CCBE1: variants seen among roughly 807,000 people sequenced by gnomAD.
CCBE1 encodes collagen and calcium binding EGF domains 1, also known as collagen and calcium-binding EGF domain-containing protein 1.
A neutral mutation model predicts 50.0 loss-of-function variants in CCBE1; 37 were observed. The ratio of observed to expected loss-of-function variants is 0.74; its 90% CI spans 0.57 to 0.97. The LOEUF (loss-of-function observed/expected upper bound fraction) is 0.97. Ranked by LOEUF, CCBE1 falls within the 50% of genes least tolerant of loss-of-function variation. The probability of loss-of-function intolerance (pLI) is 0.00; values close to 1 mark genes in which losing one functional copy is unlikely to be tolerated. For synonymous variants in CCBE1, 234 were observed against 203.7 expected (o/e 1.15, Z -1.27); for missense variants, 538 against 523.8 (o/e 1.03, Z -0.26).
At chr18:59,649,368 C>T (rs1272729759) in intron 2 of CCBE1, among the ~76,000 whole-genome samples, 5 of 152,196 alleles carry the variant, frequency 3.3e-5, no homozygotes, top group Admixed American at 2.6e-4. Context: ...ACAGTTGATG[C>T]GGTGCAAGAC....
intron 2 of CCBE1, among the ~76,000 whole-genome samples, chr18:59,666,631 G>A (rs1035342183): frequency 2.6e-5 from 4 of 151,890 alleles, no homozygotes; most frequent in African/African-American, 9.7e-5. Context: ...GGGGGGTGGG[G>A]GCAGGGAACA....
chr18:59,658,378 T>C (rs1335689041), intron 2 of CCBE1, among the ~76,000 whole-genome samples: 1 of 14,328 alleles, frequency 7.0e-5, no homozygotes, highest in Non-Finnish European at 1.0e-4. Context: ...TATATATATA[T>C]ATATATATAT....
chr18:59,597,541 G>A (rs188354237), intron 2 of CCBE1, among the ~76,000 whole-genome samples: 1 of 148,692 alleles, frequency 6.7e-6, no homozygotes, highest in East Asian at 2.0e-4. Context: ...AGGGTGGGAG[G>A]AGAAAATTAA....
At chr18:59,492,755 A>G (rs1209443143) in intron 2 of CCBE1, among the ~76,000 whole-genome samples, 1 of 152,228 alleles carries the variant, frequency 6.6e-6, no homozygotes, top group Non-Finnish European at 1.5e-5. Context: ...AGCCAAAATG[A>G]CAGAAGGAAA....
At chr18:59,551,987 C>T (rs567961571) in intron 2 of CCBE1, among the ~76,000 whole-genome samples, 42 of 152,340 alleles carry the variant, frequency 2.8e-4, no homozygotes, top group African/African-American at 7.2e-4. Flanking sequence ...AGCTGGGCAA[C>T]GCACGCCTTG....
intron 2 of CCBE1, among the ~76,000 whole-genome samples, chr18:59,653,711 C>T (rs775245481): frequency 1.3e-5 from 2 of 152,184 alleles, no homozygotes; most frequent in African/African-American, 2.4e-5. Flanking sequence ...AATTAAAAAT[C>T]CCACGCTGAC....
chr18:59,627,564 G>A (rs79490699), intron 2 of CCBE1, among the ~76,000 whole-genome samples: 2,496 of 152,266 alleles, frequency 0.016, 29 homozygotes, highest in Non-Finnish European at 0.024. Context: ...CACTGGCTTA[G>A]AGCGGGACCT....
intron 2 of CCBE1, among the ~76,000 whole-genome samples, chr18:59,689,687 C>T (rs2054703718): frequency 6.6e-6 from 1 of 152,232 alleles, no homozygotes; most frequent in East Asian, 1.9e-4. Flanking sequence ...TGTCGGAAAA[C>T]ATGATGCTGG....
chr18:59,601,512 T>C (rs938865687), intron 2 of CCBE1, among the ~76,000 whole-genome samples: 3 of 152,176 alleles, frequency 2.0e-5, no homozygotes, highest in African/African-American at 7.2e-5. Flanking sequence ...TGTGAGTCCA[T>C]TAAACCTCTT....
At chr18:59,527,502 G>T (rs532081402) in intron 2 of CCBE1, among the ~76,000 whole-genome samples, 1 of 152,198 alleles carries the variant, frequency 6.6e-6, no homozygotes, top group African/African-American at 2.4e-5. Flanking sequence ...TACATTTAGG[G>T]TTAATATTAT....
At chr18:59,539,168 T>C (rs1003207058) in intron 2 of CCBE1, among the ~76,000 whole-genome samples, 1 of 150,326 alleles carries the variant, frequency 6.7e-6, no homozygotes, top group African/African-American at 2.5e-5. Flanking sequence ...AGGGCAGGAC[T>C]CTGCTATATT....
At position 59,696,165 on chromosome 18, in the gene CCBE1, A is replaced by G. The variant is rs913650539; in HGVS notation, c.212+464T>C. 5.9e-5 allele frequency among the ~76,000 whole-genome samples: 9 copies of G among 152,170 alleles called. No individual in the cohort carries two copies. In the East Asian group the frequency reaches 1.7e-3, roughly 29 times the overall value. ...GTTTTCACTCAACACAACCACTCAC[A>G]ATCCTCCCCCTACTTTTTTGTCCAG... On this transcript the variant is annotated intron_variant, in intron 2 of 10. Coordinates refer to ENST00000439986, the MANE Select transcript of CCBE1 (RefSeq NM_133459.4).
intron 2 of CCBE1, among the ~76,000 whole-genome samples, chr18:59,645,021 C>T (rs1568250985): frequency 2.0e-5 from 3 of 151,964 alleles, no homozygotes; most frequent in Non-Finnish European, 2.9e-5. Flanking sequence ...TTTGGGAGGC[C>T]GAGGTGGGCG....
chr18:59,510,822 A>G (rs1914100288), intron 2 of CCBE1, among the ~76,000 whole-genome samples: 1 of 152,264 alleles, frequency 6.6e-6, no homozygotes, highest in South Asian at 2.1e-4. Flanking sequence ...GCATGCATGC[A>G]TAAAGAAACA....
chr18:59,518,382 T>C (rs1340951716), intron 2 of CCBE1, among the ~76,000 whole-genome samples: 3 of 152,152 alleles, frequency 2.0e-5, no homozygotes, highest in African/African-American at 7.2e-5. Context: ...TTCTAGCTAC[T>C]TGGGAGGCTG....
intron 2 of CCBE1, among the ~76,000 whole-genome samples, chr18:59,610,065 G>T (rs2053549438): frequency 6.6e-6 from 1 of 152,136 alleles, no homozygotes; most frequent in Non-Finnish European, 1.5e-5. Flanking sequence ...AATATATGAA[G>T]GTTATTAACA....
At chr18:59,607,712 C>A (rs1009452589) in intron 2 of CCBE1, among the ~76,000 whole-genome samples, 5 of 152,154 alleles carry the variant, frequency 3.3e-5, no homozygotes, top group Non-Finnish European at 7.3e-5. Context: ...AGGTTCAAAT[C>A]GGAACCACTT....
intron 5 of CCBE1, among the ~76,000 whole-genome samples, chr18:59,462,921 G>A (rs1036339974): frequency 3.3e-5 from 5 of 152,078 alleles, no homozygotes; most frequent in African/African-American, 4.8e-5. Flanking sequence ...TACTAGAGAA[G>A]ATACCAAAAA....
In CCBE1 at chr18:59,659,753, C is replaced by T. The variant is rs891646059; in HGVS notation, c.212+36876G>A. Among the ~76,000 whole-genome samples, 25 of 152,192 alleles carry T rather than the reference C, an allele frequency of 1.6e-4. 1 individual carries two copies. The highest frequency in any genetic ancestry group is 5.8e-4 in the African/African-American group (24 of 41,520). ...CATAGGTAGAGGAAATAGTAAAATC[C>T]ATCCTGAACCGACTGAAGCAGAAAC... On this transcript the variant is annotated intron_variant, in intron 2 of 10. Coordinates refer to ENST00000439986, the MANE Select transcript of CCBE1 (RefSeq NM_133459.4).
Sources: allele counts gnomAD v4.1 joint callset (sites outside exome capture counted in the v4.1 genomes callset), GRCh38; gene constraint gnomAD v4.1.1; transcripts MANE v1.5; gene names NCBI Gene and HGNC (gene_info 2026-07-23, HGNC 2026-07-21).